Variants in GRIN3A observed in about 807,000 individuals in gnomAD.
The protein encoded by GRIN3A is glutamate ionotropic receptor NMDA type subunit 3A, also known as glutamate receptor ionotropic, NMDA 3A.
Under a neutral mutation model 92.4 loss-of-function variants are expected in GRIN3A, and 47 were observed. The observed-to-expected ratio is 0.51, with a 90% CI of 0.40 to 0.65. The LOEUF is 0.65. GRIN3A is among the 30% of genes least tolerant of loss of function. GRIN3A has a pLI of 0.00. For synonymous variants in GRIN3A, 527 were observed against 540.6 expected (o/e 0.97, Z 0.35); for missense variants, 1,324 against 1,393.1 (o/e 0.95, Z 0.79).
chr9:101,610,570 CATCCATCT>C (rs969746226), intron 6 of GRIN3A, among the ~76,000 whole-genome samples: 20 of 139,548 alleles, frequency 1.4e-4, no homozygotes, highest in African/African-American at 2.7e-4. Flanking sequence ...GACCAGCTTG[CATCCATCT>C]ATCTATCTAT....
intron 1 of GRIN3A, among the ~76,000 whole-genome samples, chr9:101,703,038 A>G (rs1157479115): frequency 6.6e-6 from 1 of 152,190 alleles, no homozygotes; most frequent in Non-Finnish European, 1.5e-5. Flanking sequence ...GACTATTGTG[A>G]CAGACTCACT....
intron 1 of GRIN3A, among the ~76,000 whole-genome samples, chr9:101,702,093 G>A (rs999042898): frequency 1.1e-4 from 17 of 152,236 alleles, no homozygotes; most frequent in Admixed American, 2.0e-4. Flanking sequence ...CTTGAGGCCA[G>A]GAGTTCAAGA....
chr9:101,724,468 C>G (rs1017781190), intron 1 of GRIN3A, among the ~76,000 whole-genome samples: 1 of 152,138 alleles, frequency 6.6e-6, no homozygotes, highest in African/African-American at 2.4e-5. Flanking sequence ...GCGCGCAGCC[C>G]TGGTTCCCGC....
chr9:101,573,924 G>T (rs1229007126), intron 8 of GRIN3A, among the ~76,000 whole-genome samples: 1 of 151,980 alleles, frequency 6.6e-6, no homozygotes, highest in Non-Finnish European at 1.5e-5. Flanking sequence ...TTATTCACTT[G>T]TTGGGTTCTG....
intron 6 of GRIN3A, among the ~76,000 whole-genome samples, chr9:101,582,634 T>C (rs1827902625): frequency 6.6e-6 from 1 of 152,218 alleles, no homozygotes; most frequent in South Asian, 2.1e-4. Context: ...TAGACCTATT[T>C]TAATGTGTAC....
intron 2 of GRIN3A, 51 bp downstream of exon 2, chr9:101,686,545 T>C: frequency 6.2e-7 from 1 of 1,605,718 alleles, no homozygotes; most frequent in Non-Finnish European, 8.5e-7. Flanking sequence ...GGAATTTTAC[T>C]CTCTGTCATG....
chr9:101,622,826 G>A (rs941857723), intron 5 of GRIN3A, among the ~76,000 whole-genome samples: 1 of 152,118 alleles, frequency 6.6e-6, no homozygotes, highest in Non-Finnish European at 1.5e-5. Context: ...GGCCCTCCCA[G>A]TTGTAAAATG....
At position 101,719,262 on chromosome 9, in the gene GRIN3A, C is replaced by T. The variant is rs530659085; in HGVS notation, c.699+18019G>A. Among the ~76,000 whole-genome samples, 120 of 152,080 alleles carry T rather than the reference C, an allele frequency of 7.9e-4. 2 individuals carry two copies. Among genetic ancestry groups the T allele is most frequent in the Middle Eastern group, 6.8e-3 (2 of 294 alleles). On this transcript the variant is annotated intron_variant, in intron 1 of 8. Coordinates refer to ENST00000361820, the MANE Select transcript of GRIN3A (RefSeq NM_133445.3). ...TCAAACCCCTTCTCTAATAAAAATACGACAAAATTCGCCGGGTGTGGTGGC... is the reference window on the plus strand; with the variant it reads ...TCAAACCCCTTCTCTAATAAAAATATGACAAAATTCGCCGGGTGTGGTGGC...
Position 101,676,746 on chromosome 9 carries a change from T to C in GRIN3A, c.1305-5639A>G, listed in dbSNP as rs974958857. On this transcript the variant is annotated intron_variant, in intron 2 of 8. Transcript: ENST00000361820. ...TACATGGAATTTAAATATTTGCTTC[T>C]TGGTTACTTTTAATTTAGCTTGCGA... Among the ~76,000 whole-genome samples the C allele has an allele frequency of 1.2e-4, 18 of 152,218 alleles. No individual in the cohort carries two copies. In the South Asian group the frequency reaches 3.7e-3, roughly 32 times the overall value.
chr9:101,627,700 G>T (rs982895691), intron 4 of GRIN3A, among the ~76,000 whole-genome samples: 3 of 152,154 alleles, frequency 2.0e-5, no homozygotes, highest in East Asian at 3.9e-4. Context: ...CTGATAATCT[G>T]CCATGGCAGT....
chr9:101,713,058 T>C (rs553098771), intron 1 of GRIN3A, among the ~76,000 whole-genome samples: 98 of 152,330 alleles, frequency 6.4e-4, no homozygotes, highest in African/African-American at 2.2e-3. Context: ...CTTCTGGCTC[T>C]TAATTCCTTT....
In GRIN3A at chr9:101,570,259, T is replaced by A. The variant is rs1178191155; in HGVS notation, c.*2915A>T. On this transcript the variant is annotated 3_prime_UTR_variant, in exon 9 of 9. Coordinates refer to ENST00000361820, the MANE Select transcript of GRIN3A (RefSeq NM_133445.3). ...TGCTTCCTGTGCCAGAAAAGCAAGG[T>A]AGCGTCCCTTATCTCTTTCTTCTTT... is the stretch of plus-strand genomic sequence containing the variant. 1 of 152,378 alleles carries A rather than the reference T, an allele frequency of 6.6e-6. No homozygotes were observed. Among genetic ancestry groups the A allele is most frequent in the Non-Finnish European group, 1.5e-5 (1 of 68,036 alleles). The allele number at this position is 152,378 out of a possible 1,614,324, so 9.4% of individuals were successfully genotyped here. A position where few individuals can be genotyped will look rare whatever the true frequency, so the allele number is the denominator to read the frequency against.
At position 101,570,666 on chromosome 9, in the gene GRIN3A, A is replaced by G. The variant is rs952496326; in HGVS notation, c.*2508T>C. The G allele has an allele frequency of 6.6e-6, 1 of 152,572 alleles. No homozygotes were observed. Among genetic ancestry groups the G allele is most frequent in the Non-Finnish European group, 1.5e-5 (1 of 68,048 alleles). The allele number at this position is 152,572 out of a possible 1,614,324, so 9.5% of individuals were successfully genotyped here. Reference sequence around the variant, plus strand: ...GTAGTTCCTCCAAAGATGTTTGAGGAGCGTGCATTGGTCATCTACTTTGTG... The same window carrying G: ...GTAGTTCCTCCAAAGATGTTTGAGGGGCGTGCATTGGTCATCTACTTTGTG... On this transcript the variant is annotated 3_prime_UTR_variant, in exon 9 of 9. Coordinates refer to ENST00000361820, the MANE Select transcript of GRIN3A (RefSeq NM_133445.3).
chr9:101,585,661 G>A lies in GRIN3A; in HGVS notation c.2767-6301C>T, dbSNP rs139147040. ...GTGTATCTGCAAATATGGTGGAACC[G>A]ACCTTCAAAGTATATCCAGAATTCA... is the stretch of plus-strand genomic sequence containing the variant. On this transcript the variant is annotated intron_variant, in intron 6 of 8. Coordinates refer to ENST00000361820, the MANE Select transcript of GRIN3A (RefSeq NM_133445.3). Among the ~76,000 whole-genome samples, 306 of 152,144 alleles carry A rather than the reference G, an allele frequency of 2.0e-3. 1 individual carries two copies. Among genetic ancestry groups the A allele is most frequent in the African/African-American group, 6.9e-3 (285 of 41,508 alleles).
intron 5 of GRIN3A, among the ~76,000 whole-genome samples, chr9:101,617,806 C>A (rs1828485923): frequency 7.3e-6 from 1 of 137,584 alleles, no homozygotes; most frequent in Admixed American, 7.5e-5. Context: ...CCTCCCCCAA[C>A]CCCACAACAG....
At chr9:101,702,003 T>G (rs1222707593) in intron 1 of GRIN3A, among the ~76,000 whole-genome samples, 1 of 152,048 alleles carries the variant, frequency 6.6e-6, no homozygotes, top group Non-Finnish European at 1.5e-5. Flanking sequence ...TGTGTATACT[T>G]AAAATCTTCA....
chr9:101,669,974 A>G lies in GRIN3A; in HGVS notation c.2352+86T>C, dbSNP rs190063980. The G allele has an allele frequency of 2.3e-5, 24 of 1,033,844 alleles. No homozygotes were observed. The Admixed American group carries it at 3.5e-4, about 15-fold the overall frequency. The allele number at this position is 1,033,844 out of a possible 1,614,324, so 64.0% of individuals were successfully genotyped here. On this transcript the variant is annotated intron_variant, in intron 3 of 8. Transcript: ENST00000361820. ...GAGAGAATATTCCTGTGTTAGATGGAAGAACATGAGCATACTACAGCAGAA... is the reference window on the plus strand; with the variant it reads ...GAGAGAATATTCCTGTGTTAGATGGGAGAACATGAGCATACTACAGCAGAA...
intron 6 of GRIN3A, among the ~76,000 whole-genome samples, chr9:101,585,467 G>A (rs1478844038): frequency 1.3e-5 from 2 of 152,014 alleles, no homozygotes; most frequent in South Asian, 2.1e-4. Context: ...GGTAATGAAC[G>A]GACATTTCAA....
At chr9:101,683,198 A>G (rs1027259290) in intron 2 of GRIN3A, among the ~76,000 whole-genome samples, 1 of 152,190 alleles carries the variant, frequency 6.6e-6, no homozygotes, top group Non-Finnish European at 1.5e-5. Flanking sequence ...CTGAAAGCCT[A>G]GCTGAAAATG....
Sources: gnomAD v4.1 joint callset for allele counts (sites outside exome capture counted in the v4.1 genomes callset) on GRCh38, gnomAD v4.1.1 for gene constraint, MANE v1.5 for transcripts, NCBI Gene and HGNC (gene_info 2026-07-23, HGNC 2026-07-21) for gene names.